Variants in KAZN observed in about 807,000 individuals in gnomAD.
KAZN encodes the protein kazrin.
Under a neutral mutation model 87.4 loss-of-function variants are expected in KAZN, and 40 were observed. That is an observed-to-expected ratio of 0.46 (90% CI 0.36 to 0.60). The LOEUF is 0.60. Ranked by LOEUF, KAZN falls within the 20% of genes least tolerant of loss-of-function variation. The pLI is 0.00. For missense variants in KAZN, 898 were observed against 1,073.9 expected, an observed-to-expected ratio of 0.84 and a Z score of 2.29; for synonymous variants, 466 against 458.3, an observed-to-expected ratio of 1.02 and a Z score of -0.22.
intron 2 of KAZN, among the ~76,000 whole-genome samples, chr1:14,487,921 G>T (rs1395756475): frequency 1.3e-5 from 2 of 152,190 alleles, no homozygotes; most frequent in Non-Finnish European, 2.9e-5. Flanking sequence ...CAGTGATTCA[G>T]TTGGGATGTG....
At chr1:14,012,261 C>T (rs981519310) in intron 1 of KAZN, among the ~76,000 whole-genome samples, 1 of 152,162 alleles carries the variant, frequency 6.6e-6, no homozygotes, top group African/African-American at 2.4e-5. Flanking sequence ...TTACATATGC[C>T]TCATGGTATT....
intron 1 of KAZN, among the ~76,000 whole-genome samples, chr1:14,938,688 G>C (rs993981744): frequency 6.6e-6 from 1 of 152,148 alleles, no homozygotes; most frequent in African/African-American, 2.4e-5. Context: ...TTTGCAGTTA[G>C]CATCTGCCCG....
chr1:14,982,179 C>T (rs1336706231), intron 2 of KAZN, among the ~76,000 whole-genome samples: 4 of 152,296 alleles, frequency 2.6e-5, no homozygotes, highest in African/African-American at 4.8e-5. Flanking sequence ...GCAGCAGACA[C>T]ACGGCTGGCA....
At chr1:14,855,913 G>C (rs986822839) in intron 1 of KAZN, among the ~76,000 whole-genome samples, 1 of 152,320 alleles carries the variant, frequency 6.6e-6, no homozygotes, top group East Asian at 1.9e-4. Flanking sequence ...TTTAAACAGA[G>C]GGAGCGGCTG....
intron 1 of KAZN, among the ~76,000 whole-genome samples, chr1:14,114,290 A>G (rs1644563211): frequency 6.6e-6 from 1 of 152,074 alleles, no homozygotes; most frequent in South Asian, 2.1e-4. Context: ...GGGGGCCGGC[A>G]TTGGGGGGAT....
chr1:14,699,782 G>A (rs772875342), intron 1 of KAZN, among the ~76,000 whole-genome samples: 9 of 152,180 alleles, frequency 5.9e-5, no homozygotes, highest in East Asian at 1.9e-4. Context: ...TCTGATTTGC[G>A]GAGTTTGCCA....
intron 1 of KAZN, among the ~76,000 whole-genome samples, chr1:14,161,234 A>G (rs746555381): frequency 2.0e-5 from 3 of 152,244 alleles, no homozygotes; most frequent in Non-Finnish European, 4.4e-5. Flanking sequence ...CAAACAGAGC[A>G]GCTTAAAACA....
intron 1 of KAZN, among the ~76,000 whole-genome samples, chr1:14,710,022 C>T (rs570968897): frequency 5.2e-4 from 79 of 152,294 alleles, no homozygotes; most frequent in Middle Eastern, 3.4e-3. Flanking sequence ...TACGCCGTCA[C>T]ATAATTCCCG....
chr1:14,173,434 C>T (rs1010535488), intron 1 of KAZN, among the ~76,000 whole-genome samples: 1 of 152,156 alleles, frequency 6.6e-6, no homozygotes, highest in Non-Finnish European at 1.5e-5. Context: ...TGGTTTTATT[C>T]TCAGGCAAGA....
chr1:14,958,890 C>A (rs1388149435), intron 1 of KAZN, among the ~76,000 whole-genome samples: 1 of 152,092 alleles, frequency 6.6e-6, no homozygotes, highest in Non-Finnish European at 1.5e-5. Flanking sequence ...AGGTGGCCAG[C>A]GCAAGGCTGG....
At chr1:14,666,549 G>A (rs554583124) in intron 1 of KAZN, among the ~76,000 whole-genome samples, 14 of 152,302 alleles carry the variant, frequency 9.2e-5, no homozygotes, top group African/African-American at 3.1e-4. Context: ...TACTGTGTCT[G>A]TTGAGAAAGC....
At chr1:14,799,751 CT>C (rs60547892) in intron 1 of KAZN, among the ~76,000 whole-genome samples, 5 of 151,544 alleles carry the variant, frequency 3.3e-5, no homozygotes, top group East Asian at 1.9e-4. Flanking sequence ...CCCTTAAGAA[CT>C]TTTTTTTTGG....
chr1:15,117,793 G>A lies in KAZN; in HGVS notation c.*3158G>A, dbSNP rs890919554. 5 of 152,262 alleles carry A rather than the reference G, an allele frequency of 3.3e-5. No homozygotes were observed. Among genetic ancestry groups the A allele is most frequent in the African/African-American group, 9.6e-5 (4 of 41,452 alleles). The allele number at this position is 152,262 out of a possible 1,614,324, so 9.4% of individuals were successfully genotyped here. A position where few individuals can be genotyped will look rare whatever the true frequency, so the allele number is the denominator to read the frequency against. ...CTTCCACTCTGCTTTTCGAGGCTCC[G>A]GAGGGCTCTTCCTGCTGTGAAAGGA... On this transcript the variant is annotated 3_prime_UTR_variant, in exon 15 of 15. Coordinates refer to ENST00000376030, the MANE Select transcript of KAZN (RefSeq NM_201628.3).
intron 2 of KAZN, among the ~76,000 whole-genome samples, chr1:14,981,258 G>C (rs1387373378): frequency 6.6e-6 from 1 of 152,194 alleles, no homozygotes; most frequent in East Asian, 1.9e-4. Context: ...TGCTGTCTCT[G>C]TTCCTAAAAC....
At chr1:13,915,778 C>T (rs992938541) in intron 1 of KAZN, among the ~76,000 whole-genome samples, 79 of 152,330 alleles carry the variant, frequency 5.2e-4, no homozygotes, top group African/African-American at 1.9e-3. Flanking sequence ...CTCAGCTCCA[C>T]CTCGTTCCAC....
chr1:14,374,374 T>G (rs1248559960), intron 2 of KAZN, among the ~76,000 whole-genome samples: 1 of 152,110 alleles, frequency 6.6e-6, no homozygotes, highest in African/African-American at 2.4e-5. Flanking sequence ...GGGGATCAAG[T>G]CTCAAGTACC....
At chr1:14,489,440 C>A (rs1161773390) in intron 2 of KAZN, among the ~76,000 whole-genome samples, 2 of 151,974 alleles carry the variant, frequency 1.3e-5, no homozygotes, top group East Asian at 3.9e-4. Context: ...ATTGAATACA[C>A]CGTTTTGGGC....
intron 2 of KAZN, chr1:14,304,494 AC>A (rs1654780999): frequency 2.5e-6 from 1 of 396,546 alleles, no homozygotes; most frequent in Non-Finnish European, 4.4e-6. Flanking sequence ...TCAATGAGCA[AC>A]TGGAATTTTG....
chr1:14,225,911 A>G (rs1417282283), intron 2 of KAZN, among the ~76,000 whole-genome samples: 1 of 152,190 alleles, frequency 6.6e-6, no homozygotes, highest in African/African-American at 2.4e-5. Flanking sequence ...AAAACCCTGG[A>G]AGACAACCTA....
Sources: gnomAD v4.1 joint callset for allele counts (sites outside exome capture counted in the v4.1 genomes callset) on GRCh38, gnomAD v4.1.1 for gene constraint, MANE v1.5 for transcripts, NCBI Gene and HGNC (gene_info 2026-07-23, HGNC 2026-07-21) for gene names.